The following MDGA1 variants were observed in gnomAD, a reference collection of about 807,000 sequenced individuals.
MDGA1 encodes the protein MAM domain-containing glycosylphosphatidylinositol anchor protein 1.
MDGA1 carries 54 observed loss-of-function variants against 101.5 expected under a neutral mutation model. The ratio of observed to expected loss-of-function variants is 0.53; its 90% confidence interval spans 0.43 to 0.67. MDGA1 has a LOEUF of 0.67. Among genes scored for constraint, MDGA1 ranks in the 30% least tolerant of loss-of-function variants. MDGA1 has a pLI of 0.00. For missense variants in MDGA1, 1,083 were observed against 1,323.8 expected (o/e 0.82, Z 2.82); for synonymous variants, 533 against 558.3 (o/e 0.95, Z 0.64).
intron 1 of MDGA1, among the ~76,000 whole-genome samples, chr6:37,680,975 G>A (rs1373426940): frequency 6.7e-6 from 1 of 148,470 alleles, no homozygotes; most frequent in South Asian, 2.2e-4. Flanking sequence ...GTCCCCTACT[G>A]GGGCCCACCC....
At chr6:37,642,038 G>T (rs1284823215) in intron 14 of MDGA1, 1 of 151,982 alleles carries the variant, frequency 6.6e-6, no homozygotes, top group African/African-American at 2.4e-5. Flanking sequence ...CAGTGAAGAT[G>T]CTTTCTGTGG....
chr6:37,662,582 G>T (rs1226946598), intron 2 of MDGA1, among the ~76,000 whole-genome samples: 1 of 150,912 alleles, frequency 6.6e-6, no homozygotes, highest in Non-Finnish European at 1.5e-5. Context: ...GCTACAGTAA[G>T]CTGTGATCAC....
intron 1 of MDGA1, among the ~76,000 whole-genome samples, chr6:37,691,709 T>C (rs1327782765): frequency 6.6e-6 from 1 of 152,250 alleles, no homozygotes; most frequent in Non-Finnish European, 1.5e-5. Flanking sequence ...AGCCTTGCTC[T>C]TGCCTCCTGT....
At chr6:37,669,475 G>C (rs1261060166) in intron 1 of MDGA1, among the ~76,000 whole-genome samples, 2 of 152,098 alleles carry the variant, frequency 1.3e-5, no homozygotes, top group African/African-American at 4.8e-5. Flanking sequence ...TCTGAAATGA[G>C]TCCTCACTAG....
chr6:37,646,838 C>T (rs555573401), intron 10 of MDGA1, among the ~76,000 whole-genome samples: 2 of 152,270 alleles, frequency 1.3e-5, no homozygotes, highest in Admixed American at 6.5e-5. Flanking sequence ...TTACCCTCCC[C>T]TCTCCCATAC....
intron 16 of MDGA1, chr6:37,637,922 C>T (rs1471258356): frequency 1.3e-5 from 7 of 549,390 alleles, no homozygotes; most frequent in South Asian, 2.9e-5. Context: ...GCCAGAGGTA[C>T]GCACAGATGT....
intron 3 of MDGA1, among the ~76,000 whole-genome samples, chr6:37,657,280 C>A (rs1761512617): frequency 6.6e-6 from 1 of 152,212 alleles, no homozygotes; most frequent in Non-Finnish European, 1.5e-5. Context: ...CCCTAGAGAG[C>A]TTAATGTATG....
rs1761464215 is a variant in MDGA1 at position 37,655,545 on chromosome 6, G to T, written c.579+155C>A. 1 of 635,042 alleles carries T rather than the reference G, an allele frequency of 1.6e-6. No individual in the cohort carries two copies. The highest frequency in any genetic ancestry group is 2.7e-6 in the Non-Finnish European group (1 of 367,056). The allele number at this position is 635,042 out of a possible 1,614,324, so 39.3% of individuals were successfully genotyped here. A position where few individuals can be genotyped will look rare whatever the true frequency, so the allele number is the denominator to read the frequency against. ...CCTGACCTTTCCATCTGATTTTTCTGCCCCAGGCTGTCTGAACTCCAATCA... is the reference window on the plus strand; with the variant it reads ...CCTGACCTTTCCATCTGATTTTTCTTCCCCAGGCTGTCTGAACTCCAATCA... On this transcript the variant is annotated intron_variant, in intron 4 of 16. Coordinates refer to ENST00000434837, the MANE Select transcript of MDGA1 (RefSeq NM_153487.4). The surrounding 1 kb of genome is among the most constrained non-coding windows in gnomAD (Gnocchi z 5.1).
Position 37,653,597 on chromosome 6 carries a change from A to T in MDGA1, c.982+677T>A, listed in dbSNP as rs544991790. 3.9e-3 allele frequency among the ~76,000 whole-genome samples: 596 copies of T among 152,200 alleles called. 6 individuals carry two copies. The highest frequency in any genetic ancestry group is 0.013 in the African/African-American group (548 of 41,548). On this transcript the variant is annotated intron_variant, in intron 6 of 16. Coordinates refer to ENST00000434837, the MANE Select transcript of MDGA1 (RefSeq NM_153487.4). ...CTCTCAGGTAGCCAAAATATATTTT[A>T]AAAAAAAGAAAAGAAAACAAACAAA...
chr6:37,667,150 G>A (rs575977215), intron 1 of MDGA1, among the ~76,000 whole-genome samples: 25 of 152,208 alleles, frequency 1.6e-4, no homozygotes, highest in Non-Finnish European at 2.1e-4. Flanking sequence ...GCAGCAGGTC[G>A]ATAAACTTGG....
intron 2 of MDGA1, 100 bp downstream of exon 2, chr6:37,663,867 T>G: frequency 1.5e-6 from 2 of 1,331,276 alleles, no homozygotes; most frequent in Non-Finnish European, 2.1e-6. Flanking sequence ...CATGCTGCGG[T>G]GCATCGTGAG....
chr6:37,692,482 G>T (rs1178625602), intron 1 of MDGA1, among the ~76,000 whole-genome samples: 15 of 151,696 alleles, frequency 9.9e-5, no homozygotes, highest in Non-Finnish European at 1.9e-4. Flanking sequence ...TGGGGTGGGG[G>T]TGTCTTCCAC....
intron 1 of MDGA1, among the ~76,000 whole-genome samples, chr6:37,672,311 G>GGCATGGT (rs1348791131): frequency 6.6e-6 from 1 of 151,644 alleles, no homozygotes; most frequent in African/African-American, 2.4e-5. Context: ...TAATGAGCTG[G>GGCATGGT]GCATGGTGCC....
chr6:37,674,552 T>C (rs978666874), intron 1 of MDGA1, among the ~76,000 whole-genome samples: 3 of 152,318 alleles, frequency 2.0e-5, no homozygotes, highest in East Asian at 1.9e-4. Context: ...CCTGGTCTCA[T>C]TGGAAGGCAC....
chr6:37,679,019 T>C lies in MDGA1; in HGVS notation c.68-14913A>G, dbSNP rs575036571. Among the ~76,000 whole-genome samples the C allele has an allele frequency of 7.2e-5, 11 of 152,050 alleles. No individual in the cohort carries two copies. The South Asian group carries it at 1.7e-3, about 23-fold the overall frequency. ...TCAGGAAACATAAAGTTTAGGAGCA[T>C]ATTTTCTTTAGCATCAGGTATATTT... On this transcript the variant is annotated intron_variant, in intron 1 of 16. Transcript: ENST00000434837.
At chr6:37,644,722 C>G in intron 12 of MDGA1, 73 bp from the exon 13 acceptor site, 1 of 1,380,874 alleles carries the variant, frequency 7.2e-7, no homozygotes, top group Non-Finnish European at 9.5e-7. Flanking sequence ...GCCCCTCTCA[C>G]CCCCCAGAGG....
At chr6:37,648,693 G>T (rs149705507) in intron 9 of MDGA1, 4 of 529,790 alleles carry the variant, frequency 7.6e-6, no homozygotes, top group Non-Finnish European at 1.3e-5. Context: ...AGGCATAGGC[G>T]GGCCTTGGAA....
intron 7 of MDGA1, 114 bp from the exon 8 acceptor site, chr6:37,650,519 T>A: frequency 8.9e-7 from 1 of 1,121,894 alleles, no homozygotes; most frequent in East Asian, 2.7e-5. Flanking sequence ...CTCTCTCCCA[T>A]CCCAGACTTC....
intron 5 of MDGA1, 54 bp downstream of exon 5, chr6:37,654,746 T>C: frequency 1.9e-6 from 3 of 1,607,280 alleles, no homozygotes. Context: ...CACTATCTCC[T>C]GGTTGGGAGT....
Sources: gnomAD v4.1 joint callset for allele counts (sites outside exome capture counted in the v4.1 genomes callset) on GRCh38, gnomAD v4.1.1 for gene constraint, Gnocchi (gnomAD v3.1) non-coding constraint, MANE v1.5 for transcripts, NCBI Gene and HGNC (gene_info 2026-07-23, HGNC 2026-07-21) for gene names.